The following KCTD8 variants were observed in gnomAD, a reference collection of about 807,000 sequenced individuals.
KCTD8 encodes potassium channel tetramerization domain containing 8, also known as BTB/POZ domain-containing protein KCTD8.
Under a neutral mutation model 31.5 loss-of-function variants are expected in KCTD8, and 27 were observed. The ratio of observed to expected loss-of-function variants is 0.86; its 90% CI spans 0.63 to 1.18. The LOEUF (loss-of-function observed/expected upper bound fraction) is 1.18, where lower values mean the gene tolerates loss of function less well. KCTD8 is among the 50% of genes most tolerant of loss of function. KCTD8 has a pLI of 0.00. For synonymous variants in KCTD8, 290 were observed against 280.0 expected (o/e 1.04, Z -0.36); for missense variants, 658 against 647.7 (o/e 1.02, Z -0.17).
intron 1 of KCTD8, among the ~76,000 whole-genome samples, chr4:44,175,990 A>T (rs1055119877): frequency 6.6e-6 from 1 of 152,218 alleles, no homozygotes; most frequent in Non-Finnish European, 1.5e-5. Context: ...TAGTTTACCA[A>T]GATAATTATT....
intron 1 of KCTD8, among the ~76,000 whole-genome samples, chr4:44,326,149 T>C (rs1560426920): frequency 6.6e-6 from 1 of 151,952 alleles, no homozygotes; most frequent in Non-Finnish European, 1.5e-5. Flanking sequence ...AGTCATGGAA[T>C]AGATCAATGA....
chr4:44,379,186 G>A (rs1186719245), intron 1 of KCTD8, among the ~76,000 whole-genome samples: 4 of 152,066 alleles, frequency 2.6e-5, no homozygotes, highest in Admixed American at 2.6e-4. Context: ...CAGGTTGCCT[G>A]GATTAGATCA....
At chr4:44,378,954 G>T (rs1348039469) in intron 1 of KCTD8, among the ~76,000 whole-genome samples, 1 of 152,062 alleles carries the variant, frequency 6.6e-6, no homozygotes, top group Non-Finnish European at 1.5e-5. Flanking sequence ...ACTTCCAGAG[G>T]CCACTTATAT....
chr4:44,422,685 G>T (rs545424150), intron 1 of KCTD8, among the ~76,000 whole-genome samples: 1 of 152,050 alleles, frequency 6.6e-6, no homozygotes. Flanking sequence ...AGGAGTTTGG[G>T]GATAGGGCTA....
intron 1 of KCTD8, among the ~76,000 whole-genome samples, chr4:44,397,210 G>GA (rs1445235150): frequency 1.3e-5 from 2 of 152,100 alleles, no homozygotes; most frequent in African/African-American, 4.8e-5. Flanking sequence ...CTATAAAAAT[G>GA]AAAAATACAG....
intron 1 of KCTD8, among the ~76,000 whole-genome samples, chr4:44,264,708 T>C (rs1716285748): frequency 6.6e-6 from 1 of 152,146 alleles, no homozygotes; most frequent in South Asian, 2.1e-4. Context: ...CCGATGGGCT[T>C]AGGAAATGGC....
At chr4:44,404,628 A>T (rs1444427515) in intron 1 of KCTD8, among the ~76,000 whole-genome samples, 1 of 152,218 alleles carries the variant, frequency 6.6e-6, no homozygotes, top group Non-Finnish European at 1.5e-5. Context: ...TCAGAAAGGG[A>T]AGTAAGGTGA....
At chr4:44,242,160 T>C (rs995533437) in intron 1 of KCTD8, among the ~76,000 whole-genome samples, 5 of 152,222 alleles carry the variant, frequency 3.3e-5, no homozygotes, top group African/African-American at 4.8e-5. Context: ...GCTTACTATG[T>C]ACAAGATACT....
chr4:44,245,313 A>AT (rs1200880447), intron 1 of KCTD8, among the ~76,000 whole-genome samples: 4 of 150,158 alleles, frequency 2.7e-5, no homozygotes, highest in African/African-American at 7.6e-5. Context: ...ACTAAGACTG[A>AT]TAAAAAAAGC....
chr4:44,268,968 A>G (rs191270339), intron 1 of KCTD8, among the ~76,000 whole-genome samples: 64 of 152,274 alleles, frequency 4.2e-4, no homozygotes, highest in South Asian at 1.2e-3. Flanking sequence ...ATCCTGCCCA[A>G]GGTAATTTAT....
At chr4:44,225,240 G>T (rs561695442) in intron 1 of KCTD8, among the ~76,000 whole-genome samples, 1 of 152,256 alleles carries the variant, frequency 6.6e-6, no homozygotes, top group South Asian at 2.1e-4. Context: ...TGCTACACCG[G>T]CATGGCAATT....
intron 1 of KCTD8, among the ~76,000 whole-genome samples, chr4:44,444,725 C>CTGGGATTACTGAACCA (rs1721895838): frequency 6.6e-6 from 1 of 150,714 alleles, no homozygotes; most frequent in South Asian, 2.1e-4. Context: ...ATAACAGTAT[C>CTGGGATTACTGAACCA]TGGGATTACT....
At chr4:44,293,747 G>T in intron 1 of KCTD8, 3 of 438,406 alleles carry the variant, frequency 6.8e-6, no homozygotes, top group South Asian at 4.9e-5. Context: ...AAAAGTTGTT[G>T]AAAATATTGA....
At chr4:44,365,506 G>A (rs548916678) in intron 1 of KCTD8, among the ~76,000 whole-genome samples, 3 of 151,916 alleles carry the variant, frequency 2.0e-5, no homozygotes, top group South Asian at 2.1e-4. Flanking sequence ...AATAGAATAC[G>A]GAAATGTTGA....
chr4:44,357,501 A>C (rs1043749125), intron 1 of KCTD8, among the ~76,000 whole-genome samples: 3 of 152,210 alleles, frequency 2.0e-5, no homozygotes, highest in Admixed American at 6.5e-5. Context: ...GTGTATTATA[A>C]GAATATTTCA....
intron 1 of KCTD8, among the ~76,000 whole-genome samples, chr4:44,396,262 G>A (rs561946687): frequency 6.6e-6 from 1 of 152,250 alleles, no homozygotes; most frequent in African/African-American, 2.4e-5. Context: ...AGTAACGCAA[G>A]TGATAGGGGA....
intron 1 of KCTD8, among the ~76,000 whole-genome samples, chr4:44,251,232 T>C (rs1438736491): frequency 6.6e-6 from 1 of 151,686 alleles, no homozygotes; most frequent in African/African-American, 2.4e-5. Context: ...TGTCACACCT[T>C]TTAGTAAGTC....
chr4:44,385,239 A>G (rs1285504587), intron 1 of KCTD8, among the ~76,000 whole-genome samples: 1 of 151,596 alleles, frequency 6.6e-6, no homozygotes, highest in East Asian at 1.9e-4. Context: ...ATTCAGATGG[A>G]ATCTCATGGG....
At chr4:44,439,182 G>C (rs1721754928) in intron 1 of KCTD8, among the ~76,000 whole-genome samples, 1 of 152,128 alleles carries the variant, frequency 6.6e-6, no homozygotes, top group Admixed American at 6.5e-5. Context: ...TGATGAGAAA[G>C]AGCAATATAA....
Sources: gnomAD v4.1 joint callset for allele counts (sites outside exome capture counted in the v4.1 genomes callset) on GRCh38, gnomAD v4.1.1 for gene constraint, MANE v1.5 for transcripts, NCBI Gene and HGNC (gene_info 2026-07-23, HGNC 2026-07-21) for gene names.